CFAP54: variants seen among roughly 807,000 people sequenced by gnomAD.
CFAP54 encodes cilia and flagella associated protein 54, also known as cilia- and flagella-associated protein 54.
In CFAP54, 290 loss-of-function variants were observed where a neutral mutation model predicts 370.4. The ratio of observed to expected loss-of-function variants is 0.78; its 90% CI spans 0.71 to 0.86. The LOEUF (loss-of-function observed/expected upper bound fraction) is 0.86. Among genes scored for constraint, CFAP54 ranks in the 40% least tolerant of loss-of-function variants. CFAP54 has a pLI of 0.00. For synonymous variants in CFAP54, 1,206 were observed against 1,236.5 expected, an observed-to-expected ratio of 0.98 and a Z score of 0.52; for missense variants, 3,399 against 3,528.7, an observed-to-expected ratio of 0.96 and a Z score of 0.93.
chr12:96,498,232 T>C (rs1259486873), intron 1 of CFAP54, among the ~76,000 whole-genome samples: 1 of 152,344 alleles, frequency 6.6e-6, no homozygotes, highest in East Asian at 1.9e-4. Context: ...TGGAGAACAG[T>C]GTCTTCAATA....
chr12:96,661,156 CTCT>C (rs1315354349), intron 38 of CFAP54, among the ~76,000 whole-genome samples: 1 of 152,108 alleles, frequency 6.6e-6, no homozygotes, highest in African/African-American at 2.4e-5. Context: ...TTTCACCCCT[CTCT>C]TCTTTGCAGA....
At chr12:96,527,966 T>C (rs1309332462) in intron 9 of CFAP54, among the ~76,000 whole-genome samples, 1 of 152,236 alleles carries the variant, frequency 6.6e-6, no homozygotes, top group Non-Finnish European at 1.5e-5. Context: ...TTGTTTTGTA[T>C]ATACAGTCAT....
Position 96,524,667 on chromosome 12 carries a change from G to A in CFAP54, c.1158+2478G>A, listed in dbSNP as rs894294520. On this transcript the variant is annotated intron_variant, in intron 8 of 67. Coordinates refer to ENST00000524981, the MANE Select transcript of CFAP54 (RefSeq NM_001306084.2). ...GAAGCCAGAGTAGGCAAAATTTGCT[G>A]GGGGTCAGTGATAAACAGAGCTTGA... is the stretch of plus-strand genomic sequence containing the variant. Among the ~76,000 whole-genome samples the A allele has an allele frequency of 3.3e-5, 5 of 152,240 alleles. No individual in the cohort carries two copies. In the East Asian group the frequency reaches 9.6e-4, roughly 29 times the overall value.
intron 3 of CFAP54, among the ~76,000 whole-genome samples, chr12:96,506,696 C>T (rs990645095): frequency 2.0e-5 from 3 of 151,200 alleles, no homozygotes; most frequent in South Asian, 4.2e-4. Flanking sequence ...AAACGATTCT[C>T]CTGCCTCAGC....
chr12:96,641,246 C>T (rs1381492683), intron 32 of CFAP54, among the ~76,000 whole-genome samples: 25 of 152,170 alleles, frequency 1.6e-4, no homozygotes, highest in Non-Finnish European at 2.5e-4. Context: ...AAACAAACAA[C>T]ACCATCAACA....
intron 55 of CFAP54, among the ~76,000 whole-genome samples, chr12:96,745,081 G>A (rs1450019973): frequency 2.2e-4 from 34 of 152,154 alleles, no homozygotes; most frequent in Non-Finnish European, 4.4e-5. Flanking sequence ...TCTTTATCCA[G>A]TCTATCATTG....
chr12:96,492,004 C>T (rs1002329814), intron 1 of CFAP54, among the ~76,000 whole-genome samples: 9 of 152,158 alleles, frequency 5.9e-5, no homozygotes, highest in African/African-American at 2.2e-4. Flanking sequence ...AGGTGATCCA[C>T]CCGCCTTGGC....
In CFAP54 at chr12:96,684,847, C is replaced by T. The variant is rs1957308229; in HGVS notation, c.5804+112C>T. On this transcript the variant is annotated intron_variant, in intron 41 of 67. Coordinates refer to ENST00000524981, the MANE Select transcript of CFAP54 (RefSeq NM_001306084.2). ...CATAAATTTTAGTTCTTCAACAATACTACATTGCTACATTTTATTCATCAA... is the reference window on the plus strand; with the variant it reads ...CATAAATTTTAGTTCTTCAACAATATTACATTGCTACATTTTATTCATCAA... The T allele has an allele frequency of 6.2e-6, 6 of 973,022 alleles. No individual in the cohort carries two copies. In the East Asian group the frequency reaches 1.3e-4, roughly 21 times the overall value. The allele number at this position is 973,022 out of a possible 1,614,324, so 60.3% of individuals were successfully genotyped here.
intron 17 of CFAP54, among the ~76,000 whole-genome samples, 153 bp from the exon 18 acceptor site, chr12:96,564,315 A>G (rs1204021071): frequency 6.6e-6 from 1 of 152,236 alleles, no homozygotes; most frequent in Non-Finnish European, 1.5e-5. Context: ...AAACTGCATT[A>G]TAGTAGATTT....
chr12:96,705,977 C>A (rs553324874), intron 47 of CFAP54, among the ~76,000 whole-genome samples: 25 of 151,888 alleles, frequency 1.6e-4, no homozygotes, highest in Middle Eastern at 3.4e-3. Context: ...CAAATAGTTT[C>A]TCTTTTTTTT....
At chr12:96,535,289 A>G (rs138099668) in intron 11 of CFAP54, among the ~76,000 whole-genome samples, 1 of 152,180 alleles carries the variant, frequency 6.6e-6, no homozygotes, top group Non-Finnish European at 1.5e-5. Flanking sequence ...ACCTCAAGTG[A>G]TCCGTCTGCC....
At chr12:96,736,670 A>G (rs1957983306) in intron 50 of CFAP54, among the ~76,000 whole-genome samples, 1 of 152,252 alleles carries the variant, frequency 6.6e-6, no homozygotes, top group Non-Finnish European at 1.5e-5. Flanking sequence ...TATCAAAGAT[A>G]CTAAGAAAAG....
chr12:96,728,710 T>C (rs1454490970), intron 50 of CFAP54, among the ~76,000 whole-genome samples: 1 of 152,244 alleles, frequency 6.6e-6, no homozygotes, highest in African/African-American at 2.4e-5. Flanking sequence ...CTTTGTTCCG[T>C]TGCTGGTGAG....
chr12:96,868,226 G>A (rs547162872), intron 67 of CFAP54, among the ~76,000 whole-genome samples: 1 of 152,092 alleles, frequency 6.6e-6, no homozygotes, highest in African/African-American at 2.4e-5. Context: ...TCTCCTTGAG[G>A]TCAGGGACCA....
intron 13 of CFAP54, 144 bp from the exon 14 acceptor site, chr12:96,540,693 C>T (rs577921678): frequency 4.1e-5 from 17 of 415,758 alleles, no homozygotes; most frequent in Non-Finnish European, 5.0e-5. Context: ...ATAATTAAGG[C>T]GTTAATAAGG....
intron 58 of CFAP54, among the ~76,000 whole-genome samples, chr12:96,760,792 TTTG>T (rs1165896087): frequency 2.0e-5 from 3 of 152,298 alleles, no homozygotes; most frequent in South Asian, 2.1e-4. Context: ...TAACGGTAGT[TTTG>T]TTGTTGTTGT....
rs1165045194 is a variant in CFAP54 at position 96,512,301 on chromosome 12, T to TTATATATATATA, written c.740-647_740-636dup. On this transcript the variant is annotated intron_variant, in intron 4 of 67. Coordinates refer to ENST00000524981, the MANE Select transcript of CFAP54 (RefSeq NM_001306084.2). ...GATAAGGAAACCATGGGAACCAATTTTATATATATATATATATATATATAT... is the reference window on the plus strand; with the variant it reads ...GATAAGGAAACCATGGGAACCAATTTTATATATATATATATATATATATATATATATATATAT... Among the ~76,000 whole-genome samples the TTATATATATATA allele has an allele frequency of 1.7e-3, 52 of 31,042 alleles. 1 individual carries two copies. Among genetic ancestry groups the TTATATATATATA allele is most frequent in the East Asian group, 4.1e-3 (3 of 736 alleles). 20.4% of individuals were successfully genotyped at this position (31,042 alleles called of 152,430 possible).
intron 65 of CFAP54, among the ~76,000 whole-genome samples, chr12:96,820,436 TG>T (rs1233001749): frequency 2.6e-5 from 4 of 152,184 alleles, no homozygotes; most frequent in Non-Finnish European, 5.9e-5. Flanking sequence ...GTAGAGTGAA[TG>T]AATGCATTTT....
chr12:96,637,174 C>A (rs573552506), intron 32 of CFAP54, among the ~76,000 whole-genome samples: 1 of 152,182 alleles, frequency 6.6e-6, no homozygotes, highest in African/African-American at 2.4e-5. Context: ...CCACTGGCTT[C>A]TTTCACTTAG....
Sources: gnomAD v4.1 joint callset for allele counts (sites outside exome capture counted in the v4.1 genomes callset) on GRCh38, gnomAD v4.1.1 for gene constraint, MANE v1.5 for transcripts, NCBI Gene and HGNC (gene_info 2026-07-23, HGNC 2026-07-21) for gene names.